GPR89B: variants seen among roughly 807,000 people sequenced by gnomAD.
The protein encoded by GPR89B is G protein-coupled receptor 89B.
Under a neutral mutation model 52.4 loss-of-function variants are expected in GPR89B, and 25 were observed. The ratio of observed to expected loss-of-function variants is 0.48; its 90% CI spans 0.35 to 0.67. The LOEUF (loss-of-function observed/expected upper bound fraction) is 0.67, where lower values mean the gene tolerates loss of function less well. Ranked by LOEUF, GPR89B falls within the 30% of genes least tolerant of loss-of-function variation. GPR89B has a pLI of 0.01. For missense variants in GPR89B, 146 were observed against 450.2 expected (o/e 0.32, Z 6.11); for synonymous variants, 52 against 151.2 (o/e 0.34, Z 4.81).
the GPR89B span, chr1:148,012,124 A>G: frequency 1.3e-5 from 2 of 152,170 alleles, no homozygotes; most frequent in Admixed American, 1.3e-4. Context: ...GTATAAAACG[A>G]TGGCCATACT....
At chr1:148,013,167 G>C in the GPR89B span, among the ~76,000 whole-genome samples, 2 of 152,056 alleles carry the variant, frequency 1.3e-5, no homozygotes, top group Non-Finnish European at 2.9e-5. Context: ...GAGAGGTTTG[G>C]AGGCACAAAA....
At chr1:148,025,147 C>G in the GPR89B span, among the ~76,000 whole-genome samples, 1 of 151,850 alleles carries the variant, frequency 6.6e-6, no homozygotes, top group Non-Finnish European at 1.5e-5. Context: ...TTTAATCCTT[C>G]CTGGATGCAT....
chr1:147,993,719 C>G (rs1450510337), downstream of GPR89B: 1 of 149,880 alleles, frequency 6.7e-6, no homozygotes, highest in Non-Finnish European at 1.5e-5. Flanking sequence ...CTCAGACATG[C>G]AATTTAAGAA....
intron 7 of GPR89B, among the ~76,000 whole-genome samples, chr1:147,962,091 G>C (rs1370460191): frequency 1.3e-5 from 2 of 151,796 alleles, no homozygotes; most frequent in African/African-American, 4.9e-5. Context: ...TGTGGTACTG[G>C]TAGACATAGA....
At chr1:147,981,014 T>C (rs1478024138) in intron 10 of GPR89B, among the ~76,000 whole-genome samples, 6 of 151,492 alleles carry the variant, frequency 4.0e-5, no homozygotes, top group Admixed American at 2.6e-4. Context: ...GCTTCTCTCA[T>C]TTAGCATAAT....
the GPR89B span, among the ~76,000 whole-genome samples, chr1:148,017,575 A>T: frequency 2.0e-5 from 3 of 150,238 alleles, no homozygotes; most frequent in Non-Finnish European, 4.4e-5. Context: ...TCTACTAAAA[A>T]TACAAACAAA....
chr1:147,971,453 G>A (rs1283716892), intron 10 of GPR89B, among the ~76,000 whole-genome samples: 15 of 146,844 alleles, frequency 1.0e-4, no homozygotes, highest in Non-Finnish European at 1.8e-4. Flanking sequence ...ACCCGGCCTA[G>A]GGAAGCATGT....
chr1:147,966,003 C>T (rs1395951232), intron 7 of GPR89B, among the ~76,000 whole-genome samples: 2 of 151,548 alleles, frequency 1.3e-5, no homozygotes, highest in East Asian at 1.9e-4. Context: ...TGGGTCACCA[C>T]GCCCAGCTAA....
At chr1:147,982,356 G>A (rs1329905864) in intron 10 of GPR89B, among the ~76,000 whole-genome samples, 110 of 151,262 alleles carry the variant, frequency 7.3e-4, no homozygotes, top group Middle Eastern at 6.8e-3. Context: ...CACTGCGACC[G>A]GCCTATGTTT....
chr1:147,996,226 A>G (rs1659315329), downstream of GPR89B, among the ~76,000 whole-genome samples: 1 of 151,398 alleles, frequency 6.6e-6, no homozygotes, highest in African/African-American at 2.4e-5. Context: ...TGCCAAATGC[A>G]CAGAAGCAAA....
At chr1:148,017,599 G>A in the GPR89B span, among the ~76,000 whole-genome samples, 6 of 149,984 alleles carry the variant, frequency 4.0e-5, no homozygotes, top group African/African-American at 9.8e-5. Context: ...TTAGCCAGGC[G>A]TGGTGGCGGG....
the GPR89B span, among the ~76,000 whole-genome samples, chr1:148,007,417 T>C: frequency 1.3e-5 from 2 of 152,024 alleles, no homozygotes; most frequent in South Asian, 4.2e-4. Flanking sequence ...TGTACATATT[T>C]ATAGGGTGTG....
At chr1:148,000,618 C>G in the GPR89B span, among the ~76,000 whole-genome samples, 3 of 149,614 alleles carry the variant, frequency 2.0e-5, no homozygotes, top group Non-Finnish European at 4.5e-5. Context: ...CATATTCCCC[C>G]CTCTGTACCG....
the GPR89B span, among the ~76,000 whole-genome samples, chr1:148,006,700 A>G: frequency 1.3e-5 from 2 of 151,758 alleles, no homozygotes; most frequent in Non-Finnish European, 2.9e-5. Context: ...TTTTCACTTA[A>G]TAGAAGCACT....
the GPR89B span, among the ~76,000 whole-genome samples, chr1:148,015,293 A>ATCTATCTC: frequency 4.3e-5 from 3 of 69,860 alleles, no homozygotes; most frequent in South Asian, 6.4e-4. Context: ...GGATTCTAGG[A>ATCTATCTC]TCTCTCTCTC....
chr1:148,018,965 C>CTAT, the GPR89B span, among the ~76,000 whole-genome samples: 34 of 150,302 alleles, frequency 2.3e-4, no homozygotes, highest in South Asian at 4.2e-4. Flanking sequence ...TGCACCCAGC[C>CTAT]TATTATTATT....
intron 1 of GPR89B, among the ~76,000 whole-genome samples, chr1:147,932,278 T>C (rs1390070145): frequency 6.6e-6 from 1 of 152,048 alleles, no homozygotes; most frequent in Non-Finnish European, 1.5e-5. Flanking sequence ...TTTGACCCTT[T>C]CCTTTTCTGC....
the GPR89B span, chr1:148,009,421 G>A: frequency 6.2e-7 from 1 of 1,610,760 alleles, no homozygotes; most frequent in Non-Finnish European, 8.5e-7. Flanking sequence ...GTCCAAGTTT[G>A]CACACCTCCA....
intron 10 of GPR89B, among the ~76,000 whole-genome samples, chr1:147,979,906 T>C (rs1189774275): frequency 0.012 from 1,795 of 150,224 alleles, 27 homozygotes; most frequent in East Asian, 0.048. Flanking sequence ...CTGGGCAGCA[T>C]AGCAAGACCC....
Sources: allele counts gnomAD v4.1 joint callset (sites outside exome capture counted in the v4.1 genomes callset), GRCh38; gene constraint gnomAD v4.1.1; transcripts MANE v1.5; gene names NCBI Gene and HGNC (gene_info 2026-07-23, HGNC 2026-07-21).